MYOZ3: variants seen among roughly 807,000 people sequenced by gnomAD.
The protein encoded by MYOZ3 is myozenin 3, also known as myozenin-3.
A neutral mutation model predicts 26.5 loss-of-function variants in MYOZ3; 19 were observed. The ratio of observed to expected loss-of-function variants is 0.72; its 90% CI spans 0.50 to 1.05. MYOZ3 has a LOEUF of 1.05. MYOZ3 is among the 50% of genes least tolerant of loss of function. The probability of loss-of-function intolerance (pLI) is 0.00; values close to 1 mark genes in which losing one functional copy is unlikely to be tolerated. For missense variants in MYOZ3, 322 were observed against 337.1 expected, an observed-to-expected ratio of 0.96 and a Z score of 0.35; for synonymous variants, 135 against 138.8, an observed-to-expected ratio of 0.97 and a Z score of 0.19.
Position 150,676,765 on chromosome 5 carries a change from C to G in MYOZ3, c.646C>G (p.Pro216Ala). Residue 216 changes from proline to alanine, a missense_variant, in exon 7 of 7, where the codon CCC becomes GCC. Pro to Ala is a conservative substitution (Grantham distance 27). Transcript: ENST00000517768. ...GGGCACTTTTCCCAGGCCAGGCACC[C>G]CCTTCATCCCGGAGCCCCTCAGTGG... The part of the protein sequence containing the change: ...VGGTFPRPGT[P>A]FIPEPLSGLE... The G allele has an allele frequency of 6.2e-7, 1 of 1,614,028 alleles. No individual in the cohort carries two copies. The highest frequency in any genetic ancestry group is 8.5e-7 in the Non-Finnish European group (1 of 1,180,000).
Position 150,670,621 on chromosome 5 carries a change from G to C in MYOZ3, c.199G>C (p.Ala67Pro), listed in dbSNP as rs1313332345. ...TGTGCAGAAGTTCACTTTCGAGTTA[G>C]CAGCCAGCCAGCGGGCGGTGAGTAA... ...RRVQKFTFEL[A>P]ASQRAMLAGS... is the part of the protein sequence containing the mutation. Residue 67 changes from alanine (A) to proline (P), a missense_variant, in exon 3 of 7, where the codon GCA (alanine) becomes CCA (proline). Physicochemically the swap from Ala to Pro is conservative, Grantham distance 27. Transcript: ENST00000517768. 5 of 1,609,318 alleles carry C rather than the reference G, an allele frequency of 3.1e-6. No individual in the cohort carries two copies. In the African/African-American group the frequency reaches 6.7e-5, roughly 22 times the overall value.
intron 5 of MYOZ3, 134 bp downstream of exon 5, chr5:150,672,042 C>T (rs1001431939): frequency 1.9e-5 from 25 of 1,333,260 alleles, no homozygotes; most frequent in Non-Finnish European, 2.4e-5. Flanking sequence ...GCGCGCACTC[C>T]CCTCGCCAGA....
intron 2 of MYOZ3, among the ~76,000 whole-genome samples, chr5:150,665,065 C>T (rs747843958): frequency 6.7e-6 from 1 of 148,474 alleles, no homozygotes; most frequent in Non-Finnish European, 1.5e-5. Flanking sequence ...TATGATTTAT[C>T]TCACGCCTTC....
At chr5:150,669,426 G>A (rs1369074417) in intron 2 of MYOZ3, among the ~76,000 whole-genome samples, 3 of 146,840 alleles carry the variant, frequency 2.0e-5, no homozygotes, top group Non-Finnish European at 1.5e-5. Flanking sequence ...CAGCCTGGGT[G>A]ACATCTCAAA....
chr5:150,667,177 A>C (rs1758823822), intron 2 of MYOZ3, among the ~76,000 whole-genome samples: 1 of 152,198 alleles, frequency 6.6e-6, no homozygotes, highest in Admixed American at 6.5e-5. Flanking sequence ...ATTGACTGGC[A>C]TGAATCACAG....
intron 1 of MYOZ3, among the ~76,000 whole-genome samples, chr5:150,662,728 G>A (rs963542944): frequency 3.9e-5 from 6 of 152,158 alleles, no homozygotes; most frequent in Admixed American, 2.0e-4. Flanking sequence ...AAATAGATTC[G>A]TGCAAACTTG....
chr5:150,662,114 G>GGAAGGAGTATAGGAAAACCTGGAGGC (rs1758743134), intron 1 of MYOZ3, among the ~76,000 whole-genome samples: 2 of 152,196 alleles, frequency 1.3e-5, no homozygotes, highest in Non-Finnish European at 2.9e-5. Context: ...GTTTTCTAAA[G>GGAAGGAGTATAGGAAAACCTGGAGGC]GAAGGAGTAT....
At chr5:150,668,636 G>A (rs544052417) in intron 2 of MYOZ3, among the ~76,000 whole-genome samples, 1 of 152,352 alleles carries the variant, frequency 6.6e-6, no homozygotes, top group Admixed American at 6.5e-5. Flanking sequence ...TTTTAGAGAT[G>A]GACTAGGCAG....
In MYOZ3 at chr5:150,672,394, T is replaced by TC; in HGVS notation, c.480dup (p.Ser161LeufsTer84). ...CCAGAGAAGTTCAACCACACCGCCA[T>TC]CTCCAAGGGCTACCGCTGCCCTTGG... On this transcript the variant is annotated frameshift_variant, in exon 6 of 7. Transcript: ENST00000517768. LOFTEE classifies it high-confidence loss of function. 1 of 1,613,334 alleles carries TC rather than the reference T, an allele frequency of 6.2e-7. No homozygotes were observed. Among genetic ancestry groups the TC allele is most frequent in the Non-Finnish European group, 8.5e-7 (1 of 1,179,736 alleles).
rs544765010 is a variant in MYOZ3 at position 150,677,154 on chromosome 5, G to C, written c.*279G>C. 15 of 280,854 alleles carry C rather than the reference G, an allele frequency of 5.3e-5. No individual in the cohort carries two copies. The highest frequency in any genetic ancestry group is 3.2e-4 in the African/African-American group (15 of 46,244). 17.4% of individuals were successfully genotyped at this position (280,854 alleles called of 1,614,324 possible). ...TGTATTATTAATAGCAACCAGGGCC[G>C]GGTGTCGTGGCTCACGCCTGTCATC... On this transcript the variant is annotated 3_prime_UTR_variant, in exon 7 of 7. Transcript: ENST00000517768.
rs769169077 is a variant in MYOZ3 at position 150,676,859 on chromosome 5, A to G, written c.740A>G (p.Glu247Gly). ...CAGGGCTGGGTCCGTAACCTCCCAG[A>G]GTCCGAGGAGCTGTAGCCCTAGCCT... Reference protein sequence around the residue: ...VAQGWVRNLPESEEL With the variant: ...VAQGWVRNLPGSEEL The change falls in exon 7 of 7, where the codon GAG (glutamate) becomes GGG (glycine). Residue 247 changes from glutamate (E) to glycine (G), a missense_variant. Physicochemically the swap from Glu to Gly is moderately conservative, Grantham distance 98. Coordinates refer to ENST00000517768, the MANE Select transcript of MYOZ3 (RefSeq NM_001122853.3). 8.1e-6 allele frequency: 13 copies of G among 1,611,482 alleles called. No individual in the cohort carries two copies. The highest frequency in any genetic ancestry group is 1.1e-5 in the Non-Finnish European group (13 of 1,179,916).
Position 150,672,425 on chromosome 5 carries a change from G to C in MYOZ3, c.510G>C (p.Glu170Asp). 1 of 1,613,472 alleles carries C rather than the reference G, an allele frequency of 6.2e-7. No individual in the cohort carries two copies. Among genetic ancestry groups the C allele is most frequent in the Non-Finnish European group, 8.5e-7 (1 of 1,179,700 alleles). ...AGGGCTACCGCTGCCCTTGGCAGGA[G>C]TTCGTCAGCTACCGGGACTACCAGA... ...ISKGYRCPWQEFVSYRDYQSD... is the reference protein window; with the variant it reads ...ISKGYRCPWQDFVSYRDYQSD... Residue 170 changes from glutamate (E) to aspartate (D), a missense_variant, in exon 6 of 7, where the codon GAG (glutamate) becomes GAC (aspartate). Coordinates refer to ENST00000517768, the MANE Select transcript of MYOZ3 (RefSeq NM_001122853.3).
Position 150,678,750 on chromosome 5 carries a change from A to C in MYOZ3, c.*1875A>C, listed in dbSNP as rs1476173617. 6.6e-6 allele frequency: 1 copy of C among 152,298 alleles called. No individual in the cohort carries two copies. Among genetic ancestry groups the C allele is most frequent in the Non-Finnish European group, 1.5e-5 (1 of 68,054 alleles). 9.4% of individuals were successfully genotyped at this position (152,298 alleles called of 1,614,324 possible). On this transcript the variant is annotated 3_prime_UTR_variant, in exon 7 of 7. Transcript: ENST00000517768. ...TTGTTGTGAACACAGTGCAGGGCACATTTATAATAAGAGCTCAGTCAATGG... is the reference window on the plus strand; with the variant it reads ...TTGTTGTGAACACAGTGCAGGGCACCTTTATAATAAGAGCTCAGTCAATGG...
At chr5:150,662,181 T>C (rs1427202096) in intron 1 of MYOZ3, among the ~76,000 whole-genome samples, 1 of 152,148 alleles carries the variant, frequency 6.6e-6, no homozygotes, top group African/African-American at 2.4e-5. Flanking sequence ...GTCGAGGAGC[T>C]CAAGGGCTCT....
intron 6 of MYOZ3, among the ~76,000 whole-genome samples, chr5:150,674,830 T>C (rs913974982): frequency 2.6e-5 from 4 of 152,202 alleles, no homozygotes; most frequent in African/African-American, 9.7e-5. Flanking sequence ...GCCAACATGA[T>C]GAAATCTCAT....
chr5:150,671,511 C>A (rs548811586), intron 3 of MYOZ3, 86 bp from the exon 4 acceptor site: 28 of 1,456,576 alleles, frequency 1.9e-5, no homozygotes, highest in South Asian at 3.6e-5. Context: ...TTGCCTCCCC[C>A]CGACCTTTTT....
chr5:150,676,414 C>T (rs1581538362), intron 6 of MYOZ3, among the ~76,000 whole-genome samples: 1 of 151,588 alleles, frequency 6.6e-6, no homozygotes, highest in African/African-American at 2.4e-5. Flanking sequence ...CATGGTGGCA[C>T]GTGCCTGTAA....
chr5:150,672,655 C>T, intron 6 of MYOZ3, 153 bp downstream of exon 6: 1 of 856,488 alleles, frequency 1.2e-6, no homozygotes, highest in East Asian at 2.8e-5. Context: ...GCTGGAACAG[C>T]GCCTCCGCAC....
In MYOZ3 at chr5:150,671,899, C is replaced by T; in HGVS notation, c.415C>T (p.Leu139=). Residue 139 remains leucine (L), a synonymous_variant, in exon 5 of 7, where the codon CTG becomes TTG. Transcript: ENST00000517768. ...TGGGTGCGTCCCCAGCCCCAGCGCC[C>T]TGGCGCCAGGTGAGTGGCCTCCTCG... ...PAGCVPSPSA[L]APGYAEPLKG... 2 of 1,550,700 alleles carry T rather than the reference C, an allele frequency of 1.3e-6. No individual in the cohort carries two copies. The highest frequency in any genetic ancestry group is 1.7e-6 in the Non-Finnish European group (2 of 1,154,338).
Sources: gnomAD v4.1 joint callset for allele counts (sites outside exome capture counted in the v4.1 genomes callset) on GRCh38, gnomAD v4.1.1 for gene constraint, MANE v1.5 for transcripts, NCBI Gene and HGNC (gene_info 2026-07-23, HGNC 2026-07-21) for gene names.